PAPOLG: variants seen among roughly 807,000 people sequenced by gnomAD.
The protein encoded by PAPOLG is PAP-gamma.
A neutral mutation model predicts 99.0 loss-of-function variants in PAPOLG; 40 were observed. The ratio of observed to expected loss-of-function variants is 0.40; its 90% CI spans 0.31 to 0.53. PAPOLG has a LOEUF of 0.53. PAPOLG is among the 20% of genes least tolerant of loss of function. The probability of loss-of-function intolerance (pLI) is 0.41; values close to 1 mark genes in which losing one functional copy is unlikely to be tolerated. For missense variants in PAPOLG, 675 were observed against 884.1 expected, an observed-to-expected ratio of 0.76 and a Z score of 3.00; for synonymous variants, 310 against 299.3, an observed-to-expected ratio of 1.04 and a Z score of -0.37.
chr2:60,771,723 T>C, intron 7 of PAPOLG, 93 bp downstream of exon 7: 2 of 1,342,048 alleles, frequency 1.5e-6, no homozygotes, highest in Non-Finnish European at 2.0e-6. Flanking sequence ...GTTTTGGAGA[T>C]TGGACTCAGT....
At position 60,798,473 on chromosome 2, in the gene PAPOLG, G is replaced by A. The variant is rs1671778123; in HGVS notation, c.*1313G>A. The A allele has an allele frequency of 6.6e-6, 1 of 152,642 alleles. No homozygotes were observed. Among genetic ancestry groups the A allele is most frequent in the African/African-American group, 2.4e-5 (1 of 41,414 alleles). The allele number at this position is 152,642 out of a possible 1,614,324, so 9.5% of individuals were successfully genotyped here. ...AAGAGAAACGTTTAAAACCTTTATT[G>A]TCTCTCCTTAGTCTAATTTTTTAAA... On this transcript the variant is annotated 3_prime_UTR_variant, in exon 22 of 22. Coordinates refer to ENST00000238714, the MANE Select transcript of PAPOLG (RefSeq NM_022894.4).
chr2:60,761,240 A>T (rs1199610887), intron 2 of PAPOLG, among the ~76,000 whole-genome samples: 4 of 152,188 alleles, frequency 2.6e-5, no homozygotes, highest in Admixed American at 2.0e-4. Flanking sequence ...TTCTCTTCTA[A>T]ATGTGGATTC....
chr2:60,775,669 A>G (rs763898684), intron 8 of PAPOLG, among the ~76,000 whole-genome samples: 2 of 152,132 alleles, frequency 1.3e-5, no homozygotes, highest in Non-Finnish European at 2.9e-5. Flanking sequence ...GAGATATTGT[A>G]GGTTTGGTTC....
At chr2:60,758,822 T>C (rs1670436761) in intron 1 of PAPOLG, among the ~76,000 whole-genome samples, 1 of 152,210 alleles carries the variant, frequency 6.6e-6, no homozygotes. Context: ...CAAAAACAAT[T>C]AAACAATCTC....
chr2:60,799,936 C>T lies in PAPOLG; in HGVS notation c.*2776C>T, dbSNP rs1356195873. The T allele has an allele frequency of 6.6e-6, 1 of 152,000 alleles. No homozygotes were observed. The highest frequency in any genetic ancestry group is 1.5e-5 in the Non-Finnish European group (1 of 67,986). 9.4% of individuals were successfully genotyped at this position (152,000 alleles called of 1,614,324 possible). On this transcript the variant is annotated 3_prime_UTR_variant, in exon 22 of 22. Coordinates refer to ENST00000238714, the MANE Select transcript of PAPOLG (RefSeq NM_022894.4). ...CACCGCACCCGGCCGTGTTTGTTTTCAAGTGTGAAAAAATACCTAGAAGTA... is the reference window on the plus strand; with the variant it reads ...CACCGCACCCGGCCGTGTTTGTTTTTAAGTGTGAAAAAATACCTAGAAGTA...
chr2:60,757,800 G>T (rs960010838), intron 1 of PAPOLG, among the ~76,000 whole-genome samples: 1 of 152,182 alleles, frequency 6.6e-6, no homozygotes, highest in African/African-American at 2.4e-5. Context: ...AAGTGAAATT[G>T]ATGGTTTGAA....
At chr2:60,768,711 GT>G in intron 4 of PAPOLG, 69 bp from the exon 5 acceptor site, 1 of 1,398,168 alleles carries the variant, frequency 7.2e-7, no homozygotes, top group Non-Finnish European at 9.7e-7. Flanking sequence ...CTGTACATAT[GT>G]TTGTGTGTAC....
chr2:60,756,951 A>G (rs1332226317), intron 1 of PAPOLG, among the ~76,000 whole-genome samples: 4 of 151,044 alleles, frequency 2.6e-5, no homozygotes, highest in African/African-American at 4.9e-5. Context: ...TCTCTTTCAT[A>G]TGAGGCTACA....
chr2:60,779,542 C>A, intron 8 of PAPOLG, 95 bp from the exon 9 acceptor site: 2 of 1,330,294 alleles, frequency 1.5e-6, no homozygotes, highest in South Asian at 3.2e-5. Flanking sequence ...TGTTGAATGT[C>A]ACGGATATTC....
At chr2:60,780,916 T>C (rs1671169110) in intron 10 of PAPOLG, 137 bp downstream of exon 10, 2 of 689,656 alleles carry the variant, frequency 2.9e-6, no homozygotes, top group Admixed American at 5.6e-5. Context: ...CTCCTTCTGC[T>C]GTGGTTTTTG....
intron 11 of PAPOLG, among the ~76,000 whole-genome samples, chr2:60,782,231 G>A (rs1327337287): frequency 6.6e-6 from 1 of 152,036 alleles, no homozygotes; most frequent in Non-Finnish European, 1.5e-5. Flanking sequence ...AATTTTTTGT[G>A]TTCTAAGAAA....
At chr2:60,777,545 C>G (rs1039235742) in intron 8 of PAPOLG, among the ~76,000 whole-genome samples, 2 of 152,134 alleles carry the variant, frequency 1.3e-5, no homozygotes, top group Non-Finnish European at 2.9e-5. Flanking sequence ...CTTGTAATTT[C>G]TGTCAATAAC....
intron 3 of PAPOLG, among the ~76,000 whole-genome samples, chr2:60,764,144 G>A (rs866478488): frequency 6.6e-6 from 1 of 152,170 alleles, no homozygotes; most frequent in Admixed American, 6.5e-5. Context: ...TCACCACTGC[G>A]AAGGTTATTT....
rs765514905 is a variant in PAPOLG at position 60,771,672 on chromosome 2, A to T, written c.604+42A>T. The T allele has an allele frequency of 2.5e-6, 4 of 1,571,646 alleles. No individual in the cohort carries two copies. In the Admixed American group the frequency reaches 6.2e-5, roughly 24 times the overall value. On this transcript the variant is annotated intron_variant, in intron 7 of 21. Transcript: ENST00000238714. ...AAATCTCAGATACCTGCTTCAGAAC[A>T]ATTAGAGAAATATAGATATTTTTGC...
At chr2:60,781,372 T>C (rs946684417) in intron 10 of PAPOLG, among the ~76,000 whole-genome samples, 1 of 151,916 alleles carries the variant, frequency 6.6e-6, no homozygotes, top group Non-Finnish European at 1.5e-5. Flanking sequence ...AAAAAAGTAA[T>C]TGGTTACTAA....
At chr2:60,787,958 C>T (rs968891142) in intron 15 of PAPOLG, among the ~76,000 whole-genome samples, 3 of 151,834 alleles carry the variant, frequency 2.0e-5, no homozygotes, top group Admixed American at 1.3e-4. Flanking sequence ...AGGAAAATTG[C>T]TTGAACCTGG....
chr2:60,763,009 A>T (rs1254621707), intron 3 of PAPOLG, among the ~76,000 whole-genome samples: 1 of 149,628 alleles, frequency 6.7e-6, no homozygotes, highest in Non-Finnish European at 1.5e-5. Context: ...CAGTGGCATG[A>T]TCTCACCTCA....
chr2:60,787,313 A>C (rs532401111), intron 14 of PAPOLG, among the ~76,000 whole-genome samples, 198 bp from the exon 15 acceptor site: 1 of 152,208 alleles, frequency 6.6e-6, no homozygotes, highest in Non-Finnish European at 1.5e-5. Context: ...AGTCATTTTC[A>C]TAGCTGCTTA....
At chr2:60,761,700 ATTTG>A (rs775434713) in intron 2 of PAPOLG, 37 bp from the exon 3 acceptor site, 29 of 1,535,500 alleles carry the variant, frequency 1.9e-5, no homozygotes, top group African/African-American at 5.5e-5. Flanking sequence ...CTGTTTGTTC[ATTTG>A]TTTGTTTGTT....
Sources: gnomAD v4.1 joint callset for allele counts (sites outside exome capture counted in the v4.1 genomes callset) on GRCh38, gnomAD v4.1.1 for gene constraint, MANE v1.5 for transcripts, NCBI Gene and HGNC (gene_info 2026-07-23, HGNC 2026-07-21) for gene names.